DCC: variants seen among roughly 807,000 people sequenced by gnomAD.
DCC encodes netrin receptor DCC.
Under a neutral mutation model 172.5 loss-of-function variants are expected in DCC, and 58 were observed. The observed-to-expected ratio is 0.34, with a 90% confidence interval of 0.27 to 0.42. DCC has a LOEUF of 0.42. Among genes scored for constraint, DCC ranks in the 10% least tolerant of loss-of-function variants. The probability of loss-of-function intolerance (pLI) is 1.00; values close to 1 mark genes in which losing one functional copy is unlikely to be tolerated. For missense variants in DCC, 1,740 were observed against 1,791.0 expected, an observed-to-expected ratio of 0.97 and a Z score of 0.51; for synonymous variants, 709 against 644.5, an observed-to-expected ratio of 1.10 and a Z score of -1.52.
intron 1 of DCC, among the ~76,000 whole-genome samples, chr18:52,418,433 G>T (rs1444952496): frequency 6.6e-6 from 1 of 152,144 alleles, no homozygotes; most frequent in African/African-American, 2.4e-5. Context: ...AGCAGGCAGG[G>T]TGGCTTTTCC....
intron 12 of DCC, among the ~76,000 whole-genome samples, chr18:53,238,629 A>G (rs904700249): frequency 6.6e-6 from 1 of 152,142 alleles, no homozygotes; most frequent in Non-Finnish European, 1.5e-5. Flanking sequence ...AAGCCTTATA[A>G]TACTAGTAAA....
chr18:53,309,968 A>ATG (rs561108503), intron 13 of DCC, among the ~76,000 whole-genome samples: 1 of 147,758 alleles, frequency 6.8e-6, no homozygotes, highest in African/African-American at 2.5e-5. Context: ...GTGTGTGTAT[A>ATG]TATATATATA....
At chr18:52,747,892 C>T (rs2036931357) in intron 1 of DCC, among the ~76,000 whole-genome samples, 1 of 152,204 alleles carries the variant, frequency 6.6e-6, no homozygotes, top group Non-Finnish European at 1.5e-5. Flanking sequence ...GGTAGCCTTG[C>T]CTAATGACAC....
At chr18:52,981,970 G>A (rs1282161479) in intron 5 of DCC, among the ~76,000 whole-genome samples, 2 of 152,144 alleles carry the variant, frequency 1.3e-5, no homozygotes, top group Admixed American at 6.5e-5. Flanking sequence ...TTCCAGGCAG[G>A]AAACCCAAAG....
chr18:53,066,353 G>GTATATATATATATATATA (rs10526030), intron 7 of DCC, among the ~76,000 whole-genome samples, 187 bp downstream of exon 7: 1 of 94,606 alleles, frequency 1.1e-5, no homozygotes, highest in Non-Finnish European at 2.2e-5. Context: ...GTACATGTGT[G>GTATATATATATATATATA]TATATATATA....
chr18:53,293,114 A>G (rs1299355603), intron 12 of DCC, among the ~76,000 whole-genome samples: 5 of 152,204 alleles, frequency 3.3e-5, no homozygotes, highest in Admixed American at 6.5e-5. Flanking sequence ...TAATGTTGTA[A>G]TACATACAAT....
At chr18:52,648,953 A>G (rs1489336172) in intron 1 of DCC, among the ~76,000 whole-genome samples, 1 of 152,176 alleles carries the variant, frequency 6.6e-6, no homozygotes, top group East Asian at 1.9e-4. Context: ...ATCTTTGCTA[A>G]GGGTTTCATA....
At chr18:52,519,924 G>C (rs2031759774) in intron 1 of DCC, among the ~76,000 whole-genome samples, 1 of 152,194 alleles carries the variant, frequency 6.6e-6, no homozygotes, top group Non-Finnish European at 1.5e-5. Flanking sequence ...GGAGGAAACT[G>C]CCTGTCATAT....
intron 20 of DCC, among the ~76,000 whole-genome samples, chr18:53,413,956 C>T (rs758191742): frequency 5.2e-4 from 79 of 152,126 alleles, no homozygotes; most frequent in Non-Finnish European, 9.8e-4. Flanking sequence ...AGTTCAAAAT[C>T]GTATTCCTGT....
intron 12 of DCC, among the ~76,000 whole-genome samples, chr18:53,301,734 G>T (rs994684422): frequency 6.6e-6 from 1 of 151,912 alleles, no homozygotes; most frequent in Non-Finnish European, 1.5e-5. Context: ...TTTTATGTCA[G>T]GATTTGGTGC....
intron 2 of DCC, among the ~76,000 whole-genome samples, chr18:52,832,523 G>A (rs753428167): frequency 3.3e-5 from 5 of 152,058 alleles, no homozygotes; most frequent in Non-Finnish European, 5.9e-5. Context: ...CCGTGGACTC[G>A]TTTAAGAATC....
At chr18:53,507,877 T>G (rs929733682) in intron 27 of DCC, among the ~76,000 whole-genome samples, 3 of 151,606 alleles carry the variant, frequency 2.0e-5, no homozygotes, top group East Asian at 1.9e-4. Context: ...AGTAAGAATT[T>G]TCTAACAGAT....
intron 1 of DCC, among the ~76,000 whole-genome samples, chr18:52,626,173 G>A (rs1301102820): frequency 6.6e-6 from 1 of 152,136 alleles, no homozygotes; most frequent in Non-Finnish European, 1.5e-5. Flanking sequence ...CTGCATGGAT[G>A]CCTAGTAAAC....
chr18:52,470,822 T>G (rs190002883), intron 1 of DCC, among the ~76,000 whole-genome samples: 100 of 152,328 alleles, frequency 6.6e-4, no homozygotes, highest in African/African-American at 2.1e-3. Context: ...GTCTCTAGAA[T>G]TAAATGCTGA....
intron 13 of DCC, among the ~76,000 whole-genome samples, chr18:53,318,461 G>C (rs559412148): frequency 1.3e-5 from 2 of 152,282 alleles, no homozygotes; most frequent in African/African-American, 4.8e-5. Context: ...ATATTCTGTT[G>C]ATTTGGGGTG....
At chr18:53,377,304 G>C (rs990623534) in intron 15 of DCC, among the ~76,000 whole-genome samples, 1 of 151,034 alleles carries the variant, frequency 6.6e-6, no homozygotes, top group Non-Finnish European at 1.5e-5. Flanking sequence ...GGGACTTCTT[G>C]CTACATTATC....
chr18:53,243,397 C>T (rs1323293395), intron 12 of DCC, among the ~76,000 whole-genome samples: 2 of 152,114 alleles, frequency 1.3e-5, no homozygotes, highest in Non-Finnish European at 2.9e-5. Context: ...TTAGCAATCA[C>T]GTTTTAAGGA....
intron 15 of DCC, among the ~76,000 whole-genome samples, chr18:53,364,934 A>G (rs1488698079): frequency 1.3e-5 from 2 of 152,132 alleles, no homozygotes; most frequent in Non-Finnish European, 2.9e-5. Flanking sequence ...TGTTTTCCAC[A>G]TTGATGGAAA....
chr18:53,089,417 C>T (rs530168185), intron 7 of DCC, among the ~76,000 whole-genome samples: 67 of 152,098 alleles, frequency 4.4e-4, no homozygotes, highest in African/African-American at 1.5e-3. Flanking sequence ...ATTTTTTCCT[C>T]TTTCATGCCT....
Sources: allele counts gnomAD v4.1 joint callset (sites outside exome capture counted in the v4.1 genomes callset), GRCh38; gene constraint gnomAD v4.1.1; transcripts MANE v1.5; gene names NCBI Gene and HGNC (gene_info 2026-07-23, HGNC 2026-07-21).